Variants in SNRNP40 observed in about 807,000 individuals in gnomAD.
SNRNP40 encodes small nuclear ribonucleoprotein U5 subunit 40.
In SNRNP40, 21 loss-of-function variants were observed where a neutral mutation model predicts 45.8. The observed-to-expected ratio is 0.46, with a 90% CI of 0.32 to 0.66. SNRNP40 has a LOEUF of 0.66. Among genes scored for constraint, SNRNP40 ranks in the 30% least tolerant of loss-of-function variants. The pLI is 0.03. For missense variants in SNRNP40, 344 were observed against 439.1 expected (o/e 0.78, Z 1.94); for synonymous variants, 142 against 163.8 (o/e 0.87, Z 1.01).
chr1:31,263,361 T>C (rs1167817952), intron 8 of SNRNP40: 1 of 92,306 alleles, frequency 1.1e-5, no homozygotes, highest in Non-Finnish European at 2.5e-5. Context: ...TTTTTTTTTG[T>C]AGAGACAGTG....
intron 4 of SNRNP40, 141 bp from the exon 5 acceptor site, chr1:31,281,637 C>A: frequency 1.6e-6 from 1 of 627,348 alleles, no homozygotes; most frequent in East Asian, 2.9e-5. Flanking sequence ...TCCTGGATAT[C>A]CTAATAACAC....
intron 5 of SNRNP40, among the ~76,000 whole-genome samples, chr1:31,271,917 G>A (rs971416134): frequency 5.3e-5 from 8 of 152,164 alleles, no homozygotes; most frequent in African/African-American, 1.7e-4. Context: ...TAACACGCAT[G>A]AGCCACTATG....
chr1:31,296,512 G>T, intron 1 of SNRNP40, 99 bp downstream of exon 1: 1 of 1,406,606 alleles, frequency 7.1e-7, no homozygotes, highest in Non-Finnish European at 9.6e-7. Flanking sequence ...CTCTCGTTCT[G>T]CCCCCGCAAT....
In SNRNP40 at chr1:31,260,874, A is replaced by AG. The variant is rs1557671649; in HGVS notation, c.1024+654_1024+655insC. 1,123 of 648,344 alleles carry AG rather than the reference A, an allele frequency of 1.7e-3. 3 individuals are homozygous for AG. The highest frequency in any genetic ancestry group is 2.7e-3 in the Middle Eastern group (4 of 1,492). 40.2% of individuals were successfully genotyped at this position (648,344 alleles called of 1,614,324 possible). ...GTGAGACTCTGTCTCAAAAAAAAAA[A>AG]AAAAAAGTATCTTTCTTTTAATCAA... On this transcript the variant is annotated intron_variant, in intron 9 of 9. Coordinates refer to ENST00000263694, the MANE Select transcript of SNRNP40 (RefSeq NM_004814.3).
At position 31,260,023 on chromosome 1, in the gene SNRNP40, G is replaced by A; in HGVS notation, c.*49C>T. The A allele has an allele frequency of 7.4e-7, 1 of 1,356,648 alleles. No homozygotes were observed. Among genetic ancestry groups the A allele is most frequent in the Non-Finnish European group, 1.1e-6 (1 of 945,398 alleles). 84.0% of individuals were successfully genotyped at this position (1,356,648 alleles called of 1,614,324 possible). ...TCCAACATTTGGCATCACTTATGCA[G>A]TCTGAGGTCTCAAAGACAAGCGGCC... On this transcript the variant is annotated 3_prime_UTR_variant, in exon 10 of 10. Coordinates refer to ENST00000263694, the MANE Select transcript of SNRNP40 (RefSeq NM_004814.3).
At chr1:31,265,940 C>T (rs968007674) in intron 8 of SNRNP40, among the ~76,000 whole-genome samples, 4 of 152,128 alleles carry the variant, frequency 2.6e-5, no homozygotes, top group African/African-American at 9.7e-5. Flanking sequence ...TATGAGACAC[C>T]TTAGTCTGTT....
At chr1:31,277,902 C>G (rs1645987575) in intron 5 of SNRNP40, among the ~76,000 whole-genome samples, 1 of 152,190 alleles carries the variant, frequency 6.6e-6, no homozygotes, top group Non-Finnish European at 1.5e-5. Flanking sequence ...GCCATGTTGG[C>G]CAGGCTGGTC....
intron 5 of SNRNP40, among the ~76,000 whole-genome samples, chr1:31,277,851 T>C (rs1398864639): frequency 6.6e-6 from 1 of 152,188 alleles, no homozygotes. Flanking sequence ...CATGCCACCA[T>C]GCCTGGTTAA....
At chr1:31,271,125 A>G (rs951951385) in intron 6 of SNRNP40, 46 of 354,700 alleles carry the variant, frequency 1.3e-4, no homozygotes, top group Admixed American at 2.3e-4. Context: ...TACACAGCAT[A>G]CCAGAGCTGA....
In SNRNP40 at chr1:31,271,130, A is replaced by G. The variant is rs1569641948; in HGVS notation, c.775+249T>C. On this transcript the variant is annotated intron_variant, in intron 6 of 9. Transcript: ENST00000263694. ...TCCTGTTGGATACACAGCATACCAG[A>G]GCTGAGATGGGTCTTAAAGGTAAAG... 1.9e-5 allele frequency: 7 copies of G among 371,492 alleles called. No individual in the cohort carries two copies. In the East Asian group the frequency reaches 3.2e-4, roughly 17 times the overall value. The allele number at this position is 371,492 out of a possible 1,614,324, so 23.0% of individuals were successfully genotyped here. A position where few individuals can be genotyped will look rare whatever the true frequency, so the allele number is the denominator to read the frequency against.
chr1:31,294,136 TTAG>T (rs1029544256), intron 1 of SNRNP40, among the ~76,000 whole-genome samples: 24 of 152,088 alleles, frequency 1.6e-4, no homozygotes, highest in African/African-American at 5.5e-4. Flanking sequence ...TTTTGTATTT[TTAG>T]TAGAGATGGG....
At chr1:31,275,892 T>G (rs1430796962) in intron 5 of SNRNP40, among the ~76,000 whole-genome samples, 1 of 152,208 alleles carries the variant, frequency 6.6e-6, no homozygotes, top group African/African-American at 2.4e-5. Flanking sequence ...ATCCTTATAC[T>G]TATTAAAACA....
intron 7 of SNRNP40, 120 bp from the exon 8 acceptor site, chr1:31,268,052 T>C (rs916873425): frequency 5.7e-5 from 36 of 635,688 alleles, no homozygotes; most frequent in Middle Eastern, 2.6e-4. Context: ...CTCAGGAAGA[T>C]GGTCTGTAAT....
rs143739091 is a variant in SNRNP40 at position 31,286,221 on chromosome 1, T to C, written c.531+3033A>G. Among the ~76,000 whole-genome samples, 94 of 152,320 alleles carry C rather than the reference T, an allele frequency of 6.2e-4. 1 individual carries two copies. The East Asian group carries it at 9.4e-3, about 15-fold the overall frequency. On this transcript the variant is annotated intron_variant, in intron 4 of 9. Transcript: ENST00000263694. ...CTATTTTTTTCTATATGTTTCTATA[T>C]TGAATATTGTGAGTTCACACTTATA...
At chr1:31,262,211 A>G (rs1332243299) in intron 8 of SNRNP40, among the ~76,000 whole-genome samples, 1 of 152,128 alleles carries the variant, frequency 6.6e-6, no homozygotes, top group Admixed American at 6.5e-5. Context: ...TAGAATGGGA[A>G]GGGGCCAAGA....
intron 6 of SNRNP40, among the ~76,000 whole-genome samples, chr1:31,271,031 G>A (rs1463355060): frequency 6.6e-6 from 1 of 152,138 alleles, no homozygotes; most frequent in Non-Finnish European, 1.5e-5. Context: ...CTCTGAAAAC[G>A]CACAAGAACT....
At chr1:31,271,340 T>C (rs1404125650) in intron 6 of SNRNP40, 39 bp downstream of exon 6, 2 of 1,591,994 alleles carry the variant, frequency 1.3e-6, no homozygotes, top group Non-Finnish European at 1.7e-6. Context: ...CTTTGACTTT[T>C]TCCTTGGATC....
Position 31,296,348 on chromosome 1 carries a change from G to A in SNRNP40, c.141+263C>T, listed in dbSNP as rs189003992. 3.8e-4 allele frequency among the ~76,000 whole-genome samples: 58 copies of A among 152,246 alleles called. 1 individual carries two copies. The highest frequency in any genetic ancestry group is 1.3e-3 in the African/African-American group (56 of 41,540). On this transcript the variant is annotated intron_variant, in intron 1 of 9. Coordinates refer to ENST00000263694, the MANE Select transcript of SNRNP40 (RefSeq NM_004814.3). ...GTCAGGATGCTTAAACCCGGGTCAG[G>A]GTTTTGAGCCCAAGGTCCTCAACTC...
At position 31,269,249 on chromosome 1, in the gene SNRNP40, C is replaced by A. The variant is rs1300934963; in HGVS notation, c.776-9G>T. 9 of 1,612,608 alleles carry A rather than the reference C, an allele frequency of 5.6e-6. No individual in the cohort carries two copies. Among genetic ancestry groups the A allele is most frequent in the Middle Eastern group, 1.6e-4 (1 of 6,082 alleles). Reference sequence around the variant, plus strand: ...GACATCCCAGACACGAACTGCAAAACAAATCCAAATAAACAAACCAACCAA... The same window carrying A: ...GACATCCCAGACACGAACTGCAAAAAAAATCCAAATAAACAAACCAACCAA... On this transcript the variant is annotated splice_polypyrimidine_tract_variant and intron_variant, in intron 6 of 9. Coordinates refer to ENST00000263694, the MANE Select transcript of SNRNP40 (RefSeq NM_004814.3).
Sources: allele counts gnomAD v4.1 joint callset (sites outside exome capture counted in the v4.1 genomes callset), GRCh38; gene constraint gnomAD v4.1.1; transcripts MANE v1.5; gene names NCBI Gene and HGNC (gene_info 2026-07-23, HGNC 2026-07-21).